PRR5L: variants seen among roughly 807,000 people sequenced by gnomAD.
PRR5L encodes the protein proline rich 5 like, also known as proline-rich protein 5-like.
Under a neutral mutation model 36.4 loss-of-function variants are expected in PRR5L, and 21 were observed. That is an observed-to-expected ratio of 0.58 (90% CI 0.41 to 0.83). The LOEUF is 0.83. PRR5L is among the 40% of genes least tolerant of loss of function. The pLI, the probability that PRR5L is intolerant of heterozygous loss-of-function variation, is 0.00. For synonymous variants in PRR5L, 188 were observed against 197.0 expected (o/e 0.95, Z 0.38); for missense variants, 381 against 473.3 (o/e 0.80, Z 1.81).
At chr11:36,347,399 A>T (rs891577423) in intron 1 of PRR5L, among the ~76,000 whole-genome samples, 4 of 152,166 alleles carry the variant, frequency 2.6e-5, no homozygotes, top group African/African-American at 9.7e-5. Flanking sequence ...ACCTAGTTTG[A>T]GATGGTGGTA....
At chr11:36,443,186 G>C (rs915605217) in intron 6 of PRR5L, among the ~76,000 whole-genome samples, 2 of 152,194 alleles carry the variant, frequency 1.3e-5, no homozygotes, top group Admixed American at 6.5e-5. Flanking sequence ...TATAACCGTG[G>C]CAGAAAGGTG....
At chr11:36,424,495 C>G (rs1399243431) in intron 4 of PRR5L, among the ~76,000 whole-genome samples, 1 of 152,200 alleles carries the variant, frequency 6.6e-6, no homozygotes, top group Non-Finnish European at 1.5e-5. Context: ...ATGCTGGAAA[C>G]AACGTGGTAT....
chr11:36,304,819 CATG>C (rs145408834), intron 1 of PRR5L, among the ~76,000 whole-genome samples: 5,091 of 152,166 alleles, frequency 0.033, 99 homozygotes, highest in Non-Finnish European at 0.042. Context: ...AAATGAAAAC[CATG>C]ATGAGACGCA....
intron 1 of PRR5L, among the ~76,000 whole-genome samples, chr11:36,317,145 C>T (rs553663030): frequency 1.3e-5 from 2 of 152,294 alleles, no homozygotes; most frequent in Middle Eastern, 3.4e-3. Context: ...CATGGGAAGT[C>T]GGAGCACAGG....
chr11:36,383,703 T>G (rs1271210806), intron 1 of PRR5L, among the ~76,000 whole-genome samples: 1 of 149,022 alleles, frequency 6.7e-6, no homozygotes, highest in Non-Finnish European at 1.5e-5. Flanking sequence ...TCCTTTTTTT[T>G]TTTTTTTTTT....
intron 1 of PRR5L, among the ~76,000 whole-genome samples, chr11:36,313,130 T>C (rs1372664484): frequency 1.3e-5 from 2 of 152,244 alleles, no homozygotes; most frequent in Admixed American, 6.5e-5. Context: ...AAAACAACTC[T>C]AAAAGTTAAT....
intron 1 of PRR5L, chr11:36,394,504 AT>A (rs1450670685): frequency 2.6e-5 from 4 of 152,292 alleles, no homozygotes; most frequent in African/African-American, 9.6e-5. Flanking sequence ...AACAACAGAA[AT>A]TTATTCTTTC....
intron 7 of PRR5L, among the ~76,000 whole-genome samples, chr11:36,450,516 C>A (rs1203664478): frequency 6.6e-6 from 1 of 152,204 alleles, no homozygotes; most frequent in African/African-American, 2.4e-5. Context: ...TTACTCAGGG[C>A]TTAGCTCTGA....
chr11:36,456,661 T>G (rs1218525036), intron 8 of PRR5L, among the ~76,000 whole-genome samples: 2 of 152,268 alleles, frequency 1.3e-5, no homozygotes, highest in Non-Finnish European at 2.9e-5. Context: ...ATGACTGTTG[T>G]TATTCCACAT....
intron 1 of PRR5L, among the ~76,000 whole-genome samples, chr11:36,359,729 C>T (rs895186151): frequency 1.3e-5 from 2 of 152,246 alleles, no homozygotes; most frequent in East Asian, 3.9e-4. Flanking sequence ...ATAACAGAAA[C>T]TATAGGGCAT....
intron 1 of PRR5L, among the ~76,000 whole-genome samples, chr11:36,351,442 T>A (rs1272898975): frequency 2.3e-5 from 1 of 43,370 alleles, no homozygotes; most frequent in Non-Finnish European, 3.7e-5. Flanking sequence ...TATATATACA[T>A]ATATATTTAT....
chr11:36,368,897 C>T (rs756161066), intron 1 of PRR5L, among the ~76,000 whole-genome samples: 14 of 152,096 alleles, frequency 9.2e-5, no homozygotes, highest in Non-Finnish European at 1.6e-4. Flanking sequence ...ACACTACCCA[C>T]GAAAATCAAA....
rs140130659 is a variant in PRR5L at position 36,411,214 on chromosome 11, C to T, written c.245+7836C>T. On this transcript the variant is annotated intron_variant, in intron 3 of 8. Transcript: ENST00000530639. The stretch of plus-strand genomic sequence containing the variant: ...CGAGGTGATTTCCCTCTGTCACTTC[C>T]GCGCTTGCCCACTCTGCTGCCATCC... 2.3e-3 allele frequency among the ~76,000 whole-genome samples: 357 copies of T among 152,316 alleles called. 2 individuals carry two copies. The highest frequency in any genetic ancestry group is 7.2e-3 in the African/African-American group (299 of 41,566).
intron 1 of PRR5L, chr11:36,376,417 C>A: frequency 8.8e-7 from 1 of 1,142,476 alleles, no homozygotes; most frequent in South Asian, 1.8e-5. Flanking sequence ...GTCACCAGCC[C>A]GGCTGTGGGA....
chr11:36,328,811 A>C (rs1229181031), intron 1 of PRR5L, among the ~76,000 whole-genome samples: 1 of 152,202 alleles, frequency 6.6e-6, no homozygotes, highest in Non-Finnish European at 1.5e-5. Flanking sequence ...TTCAGAAAAA[A>C]TACTCTTTAT....
At chr11:36,426,470 C>T (rs1352175196) in intron 4 of PRR5L, among the ~76,000 whole-genome samples, 1 of 152,188 alleles carries the variant, frequency 6.6e-6, no homozygotes, top group Non-Finnish European at 1.5e-5. Context: ...AGATGACGTA[C>T]ACAAAGTGCC....
At chr11:36,425,270 C>T (rs911332028) in intron 4 of PRR5L, among the ~76,000 whole-genome samples, 2 of 152,214 alleles carry the variant, frequency 1.3e-5, no homozygotes, top group Non-Finnish European at 2.9e-5. Context: ...TTTACAGATG[C>T]TGCCACTGAG....
chr11:36,412,982 G>C (rs1858058910), intron 3 of PRR5L, among the ~76,000 whole-genome samples: 1 of 152,202 alleles, frequency 6.6e-6, no homozygotes, highest in African/African-American at 2.4e-5. Context: ...TAGCTTTTAA[G>C]TGAGGAAGCG....
At chr11:36,438,035 A>G (rs1858641383) in intron 6 of PRR5L, among the ~76,000 whole-genome samples, 1 of 152,196 alleles carries the variant, frequency 6.6e-6, no homozygotes, top group South Asian at 2.1e-4. Flanking sequence ...CTGTGAGCAT[A>G]GCTCCATTGT....
Sources: gnomAD v4.1 joint callset for allele counts (sites outside exome capture counted in the v4.1 genomes callset) on GRCh38, gnomAD v4.1.1 for gene constraint, MANE v1.5 for transcripts, NCBI Gene and HGNC (gene_info 2026-07-23, HGNC 2026-07-21) for gene names.